The following B4GALT1 variants were observed in gnomAD, a reference collection of about 807,000 sequenced individuals.
The protein encoded by B4GALT1 is beta-1,4-galactosyltransferase 1.
Under a neutral mutation model 34.9 loss-of-function variants are expected in B4GALT1, and 16 were observed. That is an observed-to-expected ratio of 0.46 (90% CI 0.31 to 0.70). The LOEUF (loss-of-function observed/expected upper bound fraction) is 0.70, where lower values mean the gene tolerates loss of function less well. B4GALT1 is among the 30% of genes least tolerant of loss of function. The pLI is 0.05. For synonymous variants in B4GALT1, 221 were observed against 218.1 expected (o/e 1.01, Z -0.12); for missense variants, 445 against 530.5 (o/e 0.84, Z 1.58).
intron 1 of B4GALT1, 140 bp downstream of exon 1, chr9:33,166,614 CTCTG>C: frequency 5.6e-6 from 6 of 1,063,656 alleles, no homozygotes; most frequent in Non-Finnish European, 7.7e-6. Context: ...AGTCCCAAGC[CTCTG>C]TCTGGGATTT....
chr9:33,178,189 G>C, the B4GALT1 span, among the ~76,000 whole-genome samples: 7 of 151,668 alleles, frequency 4.6e-5, no homozygotes, highest in African/African-American at 1.7e-4. Flanking sequence ...ATGGGGTTTT[G>C]CCATGTTGCC....
chr9:33,170,551 G>A (rs1300190619), upstream of B4GALT1, among the ~76,000 whole-genome samples: 2 of 152,138 alleles, frequency 1.3e-5, no homozygotes, highest in Admixed American at 6.5e-5. Context: ...CAGGACTGCG[G>A]GGGTTATTAA....
Position 33,120,722 on chromosome 9 carries a change from C to T in B4GALT1, c.649-116G>A, listed in dbSNP as rs932158838. On this transcript the variant is annotated intron_variant, in intron 2 of 5. Transcript: ENST00000379731. ...GTCACTAGGAAACTCTTGGGCCTCA[C>T]TTTTCTGCCGTCACTCTACAATCAA... 4.8e-6 allele frequency: 5 copies of T among 1,038,092 alleles called. No individual in the cohort carries two copies. The African/African-American group carries it at 7.9e-5, about 16-fold the overall frequency. The allele number at this position is 1,038,092 out of a possible 1,614,324, so 64.3% of individuals were successfully genotyped here.
the B4GALT1 span, among the ~76,000 whole-genome samples, chr9:33,184,466 A>G: frequency 3.2e-4 from 49 of 152,348 alleles, no homozygotes; most frequent in Admixed American, 1.5e-3. Context: ...GTCGCCTGCA[A>G]GACAAAGCAA....
At chr9:33,129,861 C>G (rs1226443970) in intron 2 of B4GALT1, among the ~76,000 whole-genome samples, 2 of 151,928 alleles carry the variant, frequency 1.3e-5, no homozygotes, top group Non-Finnish European at 2.9e-5. Flanking sequence ...ACAGAGGTGT[C>G]TGGGTGGAGA....
chr9:33,156,273 A>G (rs1840592880), intron 1 of B4GALT1, among the ~76,000 whole-genome samples: 1 of 152,130 alleles, frequency 6.6e-6, no homozygotes, highest in African/African-American at 2.4e-5. Flanking sequence ...AGCTGGGACA[A>G]CAGGTGCATG....
chr9:33,156,689 T>C (rs926199301), intron 1 of B4GALT1, among the ~76,000 whole-genome samples: 21 of 152,194 alleles, frequency 1.4e-4, no homozygotes, highest in Admixed American at 2.6e-4. Context: ...GGCTATTACA[T>C]AGAAGTTCAT....
chr9:33,176,827 C>T, the B4GALT1 span, among the ~76,000 whole-genome samples: 1 of 109,780 alleles, frequency 9.1e-6, no homozygotes, highest in Non-Finnish European at 2.0e-5. Flanking sequence ...GTACACGTAC[C>T]CCCAAATCTA....
chr9:33,115,915 G>A (rs1839931378), intron 4 of B4GALT1, 76 bp downstream of exon 4: 1 of 1,551,636 alleles, frequency 6.4e-7, no homozygotes, highest in South Asian at 1.1e-5. Context: ...AGTCCTTGGG[G>A]AACAACCAAG....
chr9:33,176,822 C>T, the B4GALT1 span, among the ~76,000 whole-genome samples: 3 of 128,258 alleles, frequency 2.3e-5, no homozygotes, highest in African/African-American at 5.7e-5. Context: ...AACCTGTACA[C>T]GTACCCCCAA....
At position 33,128,096 on chromosome 9, in the gene B4GALT1, C is replaced by CCT. The variant is rs754837121; in HGVS notation, c.648+7091_648+7092dup. 3.3e-3 allele frequency among the ~76,000 whole-genome samples: 491 copies of CCT among 150,260 alleles called. 1 individual carries two copies. Among genetic ancestry groups the CCT allele is most frequent in the African/African-American group, 8.6e-3 (353 of 41,020 alleles). ...TGGCAGCGGTAGTTAGGTCGGCATT[C>CCT]CTCTCTCTCTCTCTCTCTCTAGGAG... On this transcript the variant is annotated intron_variant, in intron 2 of 5. Coordinates refer to ENST00000379731, the MANE Select transcript of B4GALT1 (RefSeq NM_001497.4).
chr9:33,173,873 G>T, the B4GALT1 span, among the ~76,000 whole-genome samples: 4 of 152,028 alleles, frequency 2.6e-5, no homozygotes, highest in African/African-American at 7.3e-5. Context: ...GTTTGAAGGG[G>T]CTCCCATTGG....
intron 1 of B4GALT1, among the ~76,000 whole-genome samples, chr9:33,150,991 AAATAAG>A (rs1840509434): frequency 7.9e-5 from 12 of 151,836 alleles, no homozygotes; most frequent in Non-Finnish European, 1.5e-4. Flanking sequence ...GGAAGGAAGG[AAATAAG>A]TAAGGGAGAG....
At chr9:33,179,061 A>G in the B4GALT1 span, 3 of 152,252 alleles carry the variant, frequency 2.0e-5, no homozygotes, top group Non-Finnish European at 2.9e-5. Flanking sequence ...TATCTCATAA[A>G]GCCTGTGGTT....
At chr9:33,181,132 A>G in the B4GALT1 span, among the ~76,000 whole-genome samples, 1 of 152,102 alleles carries the variant, frequency 6.6e-6, no homozygotes, top group Non-Finnish European at 1.5e-5. Flanking sequence ...TTAAAAGTCT[A>G]TCCTTGGCCA....
intron 1 of B4GALT1, among the ~76,000 whole-genome samples, chr9:33,138,958 G>A (rs551705531): frequency 5.3e-5 from 8 of 151,478 alleles, no homozygotes; most frequent in Admixed American, 5.3e-4. Context: ...ACACACTAAC[G>A]CTCTCTCACC....
At chr9:33,179,773 G>A in the B4GALT1 span, 1 of 152,222 alleles carries the variant, frequency 6.6e-6, no homozygotes, top group Non-Finnish European at 1.5e-5. Flanking sequence ...GAATATTTGA[G>A]GAAGGCTAGG....
At chr9:33,132,912 T>A (rs1840214670) in intron 2 of B4GALT1, among the ~76,000 whole-genome samples, 4 of 152,134 alleles carry the variant, frequency 2.6e-5, no homozygotes, top group Admixed American at 2.0e-4. Context: ...TTATTTATTT[T>A]ATTTTTTTGA....
At chr9:33,161,798 C>G (rs1476254926) in intron 1 of B4GALT1, among the ~76,000 whole-genome samples, 2 of 152,222 alleles carry the variant, frequency 1.3e-5, no homozygotes, top group Non-Finnish European at 2.9e-5. Flanking sequence ...GAATTCCAGT[C>G]TCTGCTTCTT....
Sources: allele counts gnomAD v4.1 joint callset (sites outside exome capture counted in the v4.1 genomes callset), GRCh38; gene constraint gnomAD v4.1.1; transcripts MANE v1.5; gene names NCBI Gene and HGNC (gene_info 2026-07-23, HGNC 2026-07-21).